The following NUP35 variants were observed in gnomAD, a reference collection of about 807,000 sequenced individuals.
NUP35 encodes nucleoporin NUP35.
Under a neutral mutation model 41.5 loss-of-function variants are expected in NUP35, and 25 were observed. The ratio of observed to expected loss-of-function variants is 0.60; its 90% CI spans 0.44 to 0.84. The LOEUF (loss-of-function observed/expected upper bound fraction) is 0.84, where lower values mean the gene tolerates loss of function less well. NUP35 is among the 40% of genes least tolerant of loss of function. NUP35 has a pLI of 0.00. For synonymous variants in NUP35, 149 were observed against 130.7 expected (o/e 1.14, Z -0.96); for missense variants, 396 against 396.6 (o/e 1.00, Z 0.01).
intron 4 of NUP35, among the ~76,000 whole-genome samples, chr2:183,150,090 A>G (rs1342260260): frequency 2.0e-5 from 3 of 152,030 alleles, no homozygotes; most frequent in Non-Finnish European, 2.9e-5. Context: ...TGTTTTTAGT[A>G]GAGATGGGGT....
At chr2:183,145,983 T>TGA (rs1283862447) in intron 4 of NUP35, among the ~76,000 whole-genome samples, 8 of 152,180 alleles carry the variant, frequency 5.3e-5, no homozygotes, top group African/African-American at 1.9e-4. Flanking sequence ...CGCTTGGAAT[T>TGA]GCAGCACTTT....
intron 4 of NUP35, among the ~76,000 whole-genome samples, chr2:183,137,188 A>G (rs1684904817): frequency 6.6e-6 from 1 of 152,174 alleles, no homozygotes; most frequent in Admixed American, 6.5e-5. Context: ...CAGCCATGTA[A>G]CTGAGGTTGA....
chr2:183,135,885 T>G (rs2944353), intron 4 of NUP35, among the ~76,000 whole-genome samples: 2 of 148,732 alleles, frequency 1.3e-5, no homozygotes, highest in Middle Eastern at 6.4e-3. Context: ...AATAAAAATT[T>G]AAAAAAAAAA....
intron 4 of NUP35, among the ~76,000 whole-genome samples, chr2:183,136,645 T>G (rs1286487967): frequency 6.6e-6 from 1 of 152,232 alleles, no homozygotes; most frequent in Admixed American, 6.5e-5. Flanking sequence ...TCATTCGATT[T>G]TATCAGGCCC....
intron 2 of NUP35, among the ~76,000 whole-genome samples, chr2:183,129,594 C>G (rs1684624361): frequency 6.6e-6 from 1 of 152,068 alleles, no homozygotes; most frequent in Admixed American, 6.6e-5. Flanking sequence ...GCTTATGAGC[C>G]TGGCAGTATG....
chr2:183,120,303 G>A (rs539348027), upstream of NUP35, among the ~76,000 whole-genome samples: 3 of 152,206 alleles, frequency 2.0e-5, no homozygotes, highest in South Asian at 4.1e-4. Context: ...AAAAGTAGCC[G>A]GGTGTGGCGG....
chr2:183,136,008 C>G (rs1684863320), intron 4 of NUP35, among the ~76,000 whole-genome samples: 1 of 152,164 alleles, frequency 6.6e-6, no homozygotes, highest in African/African-American at 2.4e-5. Context: ...CAAATTGGAT[C>G]CTTTGAATCC....
chr2:183,131,644 T>A (rs751689968), intron 3 of NUP35, among the ~76,000 whole-genome samples: 1 of 152,232 alleles, frequency 6.6e-6, no homozygotes, highest in East Asian at 1.9e-4. Context: ...ACTAAAGATA[T>A]AGCTAGTCTT....
At chr2:183,147,889 G>C (rs1685335276) in intron 4 of NUP35, among the ~76,000 whole-genome samples, 1 of 151,452 alleles carries the variant, frequency 6.6e-6, no homozygotes, top group Non-Finnish European at 1.5e-5. Flanking sequence ...TCACCTCCTG[G>C]GTTAGATGTA....
chr2:183,146,205 C>T (rs918276526), intron 4 of NUP35, among the ~76,000 whole-genome samples: 1 of 152,112 alleles, frequency 6.6e-6, no homozygotes, highest in African/African-American at 2.4e-5. Context: ...CACTGCACTC[C>T]AGCCTGGGCA....
chr2:183,143,216 G>A (rs1317053803), intron 4 of NUP35, among the ~76,000 whole-genome samples: 2 of 150,042 alleles, frequency 1.3e-5, no homozygotes, highest in Non-Finnish European at 3.0e-5. Context: ...AAATGTCCTA[G>A]CAGTGAGGTT....
intron 7 of NUP35, among the ~76,000 whole-genome samples, chr2:183,159,166 A>T (rs1017180638): frequency 2.0e-5 from 3 of 152,132 alleles, no homozygotes; most frequent in African/African-American, 7.2e-5. Context: ...CTGGAGTTTG[A>T]TTCTTTCCAA....
chr2:183,155,388 C>T (rs1685621323), intron 5 of NUP35, among the ~76,000 whole-genome samples: 1 of 152,112 alleles, frequency 6.6e-6, no homozygotes, highest in Admixed American at 6.6e-5. Flanking sequence ...TGATTGCCAT[C>T]TGTTTTTTGT....
At chr2:183,159,234 A>G (rs1286127619) in intron 7 of NUP35, among the ~76,000 whole-genome samples, 1 of 152,108 alleles carries the variant, frequency 6.6e-6, no homozygotes, top group Admixed American at 6.6e-5. Context: ...GTTTTAGGAA[A>G]TTCTTATTTT....
intron 3 of NUP35, among the ~76,000 whole-genome samples, chr2:183,131,644 T>C (rs751689968): frequency 6.6e-6 from 1 of 152,232 alleles, no homozygotes; most frequent in Non-Finnish European, 1.5e-5. Flanking sequence ...ACTAAAGATA[T>C]AGCTAGTCTT....
intron 4 of NUP35, among the ~76,000 whole-genome samples, chr2:183,150,732 A>G (rs1685443505): frequency 6.6e-6 from 1 of 152,150 alleles, no homozygotes; most frequent in African/African-American, 2.4e-5. Flanking sequence ...TAATGTGTTT[A>G]CTGCTATACC....
intron 4 of NUP35, among the ~76,000 whole-genome samples, chr2:183,139,993 A>G (rs1415319586): frequency 6.6e-6 from 1 of 152,250 alleles, no homozygotes; most frequent in East Asian, 1.9e-4. Flanking sequence ...GGATTGGTGT[A>G]TTTGCATCCA....
chr2:183,130,236 A>AC (rs1309548156), intron 2 of NUP35, among the ~76,000 whole-genome samples, 182 bp from the exon 3 acceptor site: 1 of 152,140 alleles, frequency 6.6e-6, no homozygotes, highest in Non-Finnish European at 1.5e-5. Flanking sequence ...CTCAGGCTTC[A>AC]CCCTACACCT....
chr2:183,128,409 A>G lies in NUP35; in HGVS notation c.163A>G (p.Ser55Gly), dbSNP rs1314800814. The G allele has an allele frequency of 6.2e-6, 10 of 1,614,060 alleles. No homozygotes were observed. Among genetic ancestry groups the G allele is most frequent in the Non-Finnish European group, 8.5e-6 (10 of 1,179,974 alleles). Residue 55 changes from serine to glycine, a missense_variant, in exon 2 of 9, where the codon AGT (serine) becomes GGT (glycine). By Grantham distance (56) the Ser-to-Gly change is moderately conservative. Coordinates refer to ENST00000295119, the MANE Select transcript of NUP35 (RefSeq NM_138285.5). ...APVTPQPRSI[S>G]GPSVGVMEMR... is the part of the protein sequence containing the mutation. ...GGTGACTCCACAACCTCGATCAATT[A>G]GTGGCCCTTCAGTAGGAGTAATGGA...
Sources: allele counts gnomAD v4.1 joint callset (sites outside exome capture counted in the v4.1 genomes callset), GRCh38; gene constraint gnomAD v4.1.1; transcripts MANE v1.5; gene names NCBI Gene and HGNC (gene_info 2026-07-23, HGNC 2026-07-21).